The following C16orf96 variants were observed in gnomAD, a reference collection of about 807,000 sequenced individuals.
The protein encoded by C16orf96 is chromosome 16 open reading frame 96, also known as uncharacterized protein C16orf96.
Under a neutral mutation model 103.6 loss-of-function variants are expected in C16orf96, and 108 were observed. The ratio of observed to expected loss-of-function variants is 1.04; its 90% CI spans 0.89 to 1.22. The LOEUF is 1.22. C16orf96 is among the 50% of genes most tolerant of loss of function. The pLI is 0.00. For synonymous variants in C16orf96, 566 were observed against 593.5 expected (o/e 0.95, Z 0.67); for missense variants, 1,586 against 1,464.2 (o/e 1.08, Z -1.36).
chr16:4,577,169 C>T (rs958098505), intron 5 of C16orf96, among the ~76,000 whole-genome samples: 3 of 151,984 alleles, frequency 2.0e-5, no homozygotes, highest in South Asian at 2.1e-4. Flanking sequence ...CCAGCCTGGG[C>T]AACAAGAACG....
chr16:4,575,776 A>G lies in C16orf96; in HGVS notation c.1296A>G (p.Ser432=). ...RAPPPATEFG[S]LWPRPLQPYQ... ...CACCACCAGCCACTGAGTTTGGCTC[A>G]TTGTGGCCTCGACCACTCCAGCCAT... Residue 432 remains serine, a synonymous_variant, in exon 5 of 16, where the codon TCA becomes TCG. Coordinates refer to ENST00000444310, the MANE Select transcript of C16orf96 (RefSeq NM_001145011.2). The G allele has an allele frequency of 1.9e-6, 3 of 1,550,236 alleles. No homozygotes were observed. Among genetic ancestry groups the G allele is most frequent in the Non-Finnish European group, 2.6e-6 (3 of 1,146,752 alleles).
At chr16:4,568,382 C>T (rs571151563) in intron 1 of C16orf96, among the ~76,000 whole-genome samples, 42 of 152,208 alleles carry the variant, frequency 2.8e-4, no homozygotes, top group African/African-American at 9.9e-4. Context: ...TGGGGTATTC[C>T]GTAGATATCT....
At chr16:4,554,413 C>T (rs1035142575), upstream of C16orf96, among the ~76,000 whole-genome samples, 3 of 151,196 alleles carry the variant, frequency 2.0e-5, no homozygotes, top group Admixed American at 2.0e-4. Flanking sequence ...TGCAGTGGTG[C>T]GGTCTCGGTT....
chr16:4,563,272 C>A (rs2059351710), intron 1 of C16orf96: 1 of 410,844 alleles, frequency 2.4e-6, no homozygotes, highest in African/African-American at 2.1e-5. Flanking sequence ...ATTTTTAAGG[C>A]AGGGTCTCAC....
chr16:4,574,510 C>T (rs1004122697), intron 2 of C16orf96, among the ~76,000 whole-genome samples, 199 bp from the exon 3 acceptor site: 2 of 152,254 alleles, frequency 1.3e-5, no homozygotes, highest in African/African-American at 4.8e-5. Flanking sequence ...GCATGAGACA[C>T]TGTGCCCGGC....
chr16:4,600,141 C>A lies in C16orf96; in HGVS notation c.3250C>A (p.Pro1084Thr). 1 of 1,551,680 alleles carries A rather than the reference C, an allele frequency of 6.4e-7. No homozygotes were observed. Among genetic ancestry groups the A allele is most frequent in the Non-Finnish European group, 8.7e-7 (1 of 1,147,036 alleles). ...CAGTGCCTGCTCAGCTGCCTCGGGC[C>A]CTCACCTGACGATGCCAGCTCGACC... ...RSSACSAASG[P>T]HLTMPARPPS... The change falls in exon 16 of 16, where the codon CCT becomes ACT. Residue 1084 changes from proline to threonine, a missense_variant. Pro to Thr is a conservative substitution (Grantham distance 38). Transcript: ENST00000444310.
chr16:4,589,951 A>G (rs8053149), intron 9 of C16orf96, among the ~76,000 whole-genome samples: 142,640 of 151,982 alleles, frequency 0.94, 67,622 homozygotes, highest in East Asian at 1. Context: ...GTGAAACCCC[A>G]TCTCTACTAA....
At chr16:4,557,612 GTAC>G (rs2059279963) in intron 1 of C16orf96, among the ~76,000 whole-genome samples, 1 of 152,146 alleles carries the variant, frequency 6.6e-6, no homozygotes, top group Non-Finnish European at 1.5e-5. Flanking sequence ...CCTCACTGAT[GTAC>G]TAAATGACAC....
chr16:4,588,407 G>A (rs186493063), intron 9 of C16orf96, 76 bp downstream of exon 9: 476 of 1,467,444 alleles, frequency 3.2e-4, no homozygotes, highest in Non-Finnish European at 4.2e-4. Context: ...AACAACAAAC[G>A]TTTTCAGTTT....
chr16:4,553,665 G>T (rs529525068), upstream of C16orf96, among the ~76,000 whole-genome samples: 8 of 152,138 alleles, frequency 5.3e-5, no homozygotes, highest in African/African-American at 1.9e-4. Context: ...TGTAGAGATG[G>T]TGTCTTGCTA....
intron 6 of C16orf96, among the ~76,000 whole-genome samples, chr16:4,579,248 G>C (rs2059553030): frequency 6.6e-6 from 1 of 152,096 alleles, no homozygotes; most frequent in Non-Finnish European, 1.5e-5. Context: ...CTGTGTCTCA[G>C]GTGGCTGTTC....
At position 4,600,441 on chromosome 16, in the gene C16orf96, CCCCCA is replaced by C. The variant is rs1897260157; in HGVS notation, c.*129_*133del. On this transcript the variant is annotated 3_prime_UTR_variant, in exon 16 of 16. Coordinates refer to ENST00000444310, the MANE Select transcript of C16orf96 (RefSeq NM_001145011.2). ...AGGCTGAGGCCTATGTGGCCCCCCA[CCCCCA>C]CCCCCACCAAGTCCCCTCCATGTCC... 1 of 615,762 alleles carries C rather than the reference CCCCCA, an allele frequency of 1.6e-6. No homozygotes were observed. Among genetic ancestry groups the C allele is most frequent in the East Asian group, 2.9e-5 (1 of 34,714 alleles). 38.1% of individuals were successfully genotyped at this position (615,762 alleles called of 1,614,324 possible). A position where few individuals can be genotyped will look rare whatever the true frequency, so the allele number is the denominator to read the frequency against.
chr16:4,557,692 CAG>C (rs1182395881), intron 1 of C16orf96, among the ~76,000 whole-genome samples: 2 of 151,862 alleles, frequency 1.3e-5, no homozygotes, highest in East Asian at 3.8e-4. Flanking sequence ...TTTTTTGAGA[CAG>C]GGTGTCACTC....
chr16:4,588,468 G>A lies in C16orf96; in HGVS notation c.2592+137G>A, dbSNP rs116862667. ...CCCAGCAACTTAGCTGGGTGGCTCA[G>A]GGTTTCCTGTGAAATTGCAGTCAAG... On this transcript the variant is annotated intron_variant, in intron 9 of 15. Coordinates refer to ENST00000444310, the MANE Select transcript of C16orf96 (RefSeq NM_001145011.2). 7,907 of 991,940 alleles carry A rather than the reference G, an allele frequency of 8.0e-3. 51 individuals are homozygous for A. The highest frequency in any genetic ancestry group is 9.3e-3 in the Non-Finnish European group (6,414 of 691,916). 61.4% of individuals were successfully genotyped at this position (991,940 alleles called of 1,614,324 possible).
At chr16:4,580,688 A>G (rs2059574231) in intron 7 of C16orf96, among the ~76,000 whole-genome samples, 1 of 152,086 alleles carries the variant, frequency 6.6e-6, no homozygotes, top group Non-Finnish European at 1.5e-5. Flanking sequence ...CTCTACACAA[A>G]TAAAAAATTT....
Position 4,556,535 on chromosome 16 carries a change from C to T in C16orf96, c.46C>T (p.Pro16Ser). The change falls in exon 1 of 16, where the codon CCA (proline) becomes TCA (serine). Residue 16 changes from proline (P) to serine (S), a missense_variant. Transcript: ENST00000444310. ...CACCGAGCTGGCCAACATCGCCATCCCACAGTGCGGGGTGCTGAACTTCAA... is the reference window on the plus strand; with the variant it reads ...CACCGAGCTGGCCAACATCGCCATCTCACAGTGCGGGGTGCTGAACTTCAA... ...TFTELANIAIPQCGVLNFKAL... is the reference protein window; with the variant it reads ...TFTELANIAISQCGVLNFKAL... 1 of 1,544,638 alleles carries T rather than the reference C, an allele frequency of 6.5e-7. No homozygotes were observed. The highest frequency in any genetic ancestry group is 1.4e-5 in the African/African-American group (1 of 73,024).
At chr16:4,577,494 CAAA>C (rs1393498600) in intron 5 of C16orf96, among the ~76,000 whole-genome samples, 1 of 150,654 alleles carries the variant, frequency 6.6e-6, no homozygotes, top group East Asian at 2.0e-4. Flanking sequence ...ACTAAAAATA[CAAA>C]AAAATTAGCT....
chr16:4,599,188 G>C, intron 14 of C16orf96, 96 bp from the exon 15 acceptor site: 1 of 1,040,974 alleles, frequency 9.6e-7, no homozygotes. Context: ...AATGGGGTTG[G>C]TCCCACCAGA....
At chr16:4,557,496 G>A (rs1437886189) in intron 1 of C16orf96, among the ~76,000 whole-genome samples, 2 of 152,148 alleles carry the variant, frequency 1.3e-5, no homozygotes, top group Non-Finnish European at 2.9e-5. Context: ...TGGTTGCCAG[G>A]GGCTTGGAGG....
Sources: allele counts gnomAD v4.1 joint callset (sites outside exome capture counted in the v4.1 genomes callset), GRCh38; gene constraint gnomAD v4.1.1; transcripts MANE v1.5; gene names NCBI Gene and HGNC (gene_info 2026-07-23, HGNC 2026-07-21).